The following PAK3 variants were observed in gnomAD, a reference collection of about 807,000 sequenced individuals.
PAK3 encodes the protein serine/threonine-protein kinase PAK 3.
A neutral mutation model predicts 41.0 loss-of-function variants in PAK3; 4 were observed. That is an observed-to-expected ratio of 0.10 (90% CI 0.05 to 0.22). PAK3 has a LOEUF of 0.22. Among genes scored for constraint, PAK3 ranks in the 10% least tolerant of loss-of-function variants. PAK3 has a pLI of 1.00. For missense variants in PAK3, 205 were observed against 409.9 expected (o/e 0.50, Z 4.32); for synonymous variants, 146 against 139.6 (o/e 1.05, Z -0.32).
At chrX:111,183,322 G>C (rs2094478107) in intron 11 of PAK3, among the ~76,000 whole-genome samples, 1 of 111,430 alleles carries the variant, frequency 9.0e-6, no homozygotes, top group African/African-American at 3.3e-5. Context: ...CCTTTTTATA[G>C]CAGCAGCAGC....
chrX:111,081,666 C>G (rs1285137560), intron 1 of PAK3, among the ~76,000 whole-genome samples: 1 of 111,697 alleles, frequency 9.0e-6, no homozygotes, highest in African/African-American at 3.3e-5. Flanking sequence ...AGTTTAGCCA[C>G]TCTACAATGT....
intron 1 of PAK3, among the ~76,000 whole-genome samples, chrX:111,087,874 C>A (rs917829514): frequency 1.2e-4 from 13 of 109,321 alleles, no homozygotes; most frequent in Non-Finnish European, 2.1e-4. Context: ...CCCCCCACCC[C>A]ACCCCATTCC....
At position 111,152,629 on chromosome X, in the gene PAK3, T is replaced by G. The variant is rs1603306550; in HGVS notation, c.468+182T>G. On this transcript the variant is annotated intron_variant, in intron 8 of 17. Coordinates refer to ENST00000372007, the MANE Select transcript of PAK3 (RefSeq NM_002578.5). ...AGTTCAATGAGTTTTGGTAAATGTA[T>G]ATACCTATGCTACCATCACCACAAT... The G allele has an allele frequency of 1.3e-5, 5 of 383,715 alleles. No homozygotes were observed. In the East Asian group the frequency reaches 2.3e-4, roughly 18 times the overall value. 31.6% of individuals were successfully genotyped at this position (383,715 alleles called of 1,213,427 possible). A position where few individuals can be genotyped will look rare whatever the true frequency, so the allele number is the denominator to read the frequency against.
intron 1 of PAK3, among the ~76,000 whole-genome samples, chrX:110,974,895 C>T (rs1447526558): frequency 9.9e-5 from 11 of 111,353 alleles, no homozygotes; most frequent in Admixed American, 2.9e-4. Context: ...AAAAGGCCTT[C>T]GACAGAATTC....
intron 1 of PAK3, among the ~76,000 whole-genome samples, chrX:111,053,550 C>T (rs761287523): frequency 3.6e-5 from 4 of 111,383 alleles, no homozygotes; most frequent in Non-Finnish European, 5.7e-5. Context: ...TCATTCTAGG[C>T]GCAGGCACTT....
At chrX:110,972,428 A>G (rs1259649997) in intron 1 of PAK3, among the ~76,000 whole-genome samples, 1 of 111,924 alleles carries the variant, frequency 8.9e-6, no homozygotes, top group East Asian at 2.8e-4. Flanking sequence ...GAGGGTCCGG[A>G]GTGGATCTTC....
chrX:111,037,660 G>A (rs993337498), intron 1 of PAK3, among the ~76,000 whole-genome samples: 3 of 111,567 alleles, frequency 2.7e-5, no homozygotes, highest in Non-Finnish European at 3.8e-5. Flanking sequence ...CTGATGAAAA[G>A]TTTGTTGTAA....
Position 111,123,648 on chromosome X carries a change from G to A in PAK3, c.175+370G>A, listed in dbSNP as rs2093610314. 2.7e-5 allele frequency among the ~76,000 whole-genome samples: 3 copies of A among 111,944 alleles called. No homozygotes were observed. In the South Asian group the frequency reaches 1.1e-3, roughly 42 times the overall value. Reference sequence around the variant, plus strand: ...GTTCTTTTTGGAAATTTGGGTATAGGTAGGTTTACTTCTGTATACCTTTTT... The same window carrying A: ...GTTCTTTTTGGAAATTTGGGTATAGATAGGTTTACTTCTGTATACCTTTTT... On this transcript the variant is annotated intron_variant, in intron 5 of 17. Coordinates refer to ENST00000372007, the MANE Select transcript of PAK3 (RefSeq NM_002578.5).
At chrX:111,176,899 A>G (rs1360383327) in intron 11 of PAK3, among the ~76,000 whole-genome samples, 4 of 108,751 alleles carry the variant, frequency 3.7e-5, no homozygotes, top group Non-Finnish European at 5.7e-5. Context: ...TGATCTTAGT[A>G]GATTGTTTTT....
rs60537532 is a variant in PAK3, at chrX:111,183,836, G to A, written c.831-8291G>A. Reference sequence around the variant, plus strand: ...GTAGTAAGCGCTTGGCCATGTCAGGGAGAGACTGTTGACAAAGCATCTAAT... The same window carrying A: ...GTAGTAAGCGCTTGGCCATGTCAGGAAGAGACTGTTGACAAAGCATCTAAT... On this transcript the variant is annotated intron_variant, in intron 11 of 17. Coordinates refer to ENST00000372007, the MANE Select transcript of PAK3 (RefSeq NM_002578.5). Among the ~76,000 whole-genome samples the A allele has an allele frequency of 6.1e-3, 682 of 111,723 alleles. 9 individuals are homozygous for A. The highest frequency in any genetic ancestry group is 0.021 in the African/African-American group (634 of 30,841).
chrX:111,015,167 C>T (rs1260098274), intron 1 of PAK3, among the ~76,000 whole-genome samples: 3 of 110,183 alleles, frequency 2.7e-5, no homozygotes, highest in Non-Finnish European at 5.7e-5. Context: ...TAGTATAACT[C>T]GCGAGTTATA....
At chrX:111,206,843 A>G (rs1246347797) in intron 16 of PAK3, among the ~76,000 whole-genome samples, 1 of 111,554 alleles carries the variant, frequency 9.0e-6, no homozygotes, top group Non-Finnish European at 1.9e-5. Context: ...AGACACTTTC[A>G]TGATATCCAT....
intron 16 of PAK3, 124 bp downstream of exon 16, chrX:111,196,764 C>G (rs1449935413): frequency 2.2e-6 from 1 of 451,885 alleles, no homozygotes; most frequent in Non-Finnish European, 3.8e-6. Context: ...ATAGAAGCAC[C>G]AAGTTATAAT....
At chrX:111,162,424 C>T (rs765546209) in intron 8 of PAK3, among the ~76,000 whole-genome samples, 57 of 111,135 alleles carry the variant, frequency 5.1e-4, no homozygotes, top group Non-Finnish European at 9.6e-4. Flanking sequence ...CATTTATTGG[C>T]TTGTTTGTTC....
chrX:110,994,271 C>T (rs901783440), intron 1 of PAK3, among the ~76,000 whole-genome samples: 6 of 111,906 alleles, frequency 5.4e-5, no homozygotes, highest in African/African-American at 1.6e-4. Flanking sequence ...GGGCTGCTTC[C>T]GCCTAAGAAC....
At chrX:111,016,432 C>A (rs1403648732) in intron 1 of PAK3, among the ~76,000 whole-genome samples, 1 of 111,372 alleles carries the variant, frequency 9.0e-6, no homozygotes, top group Admixed American at 9.6e-5. Flanking sequence ...GCTGGGATAA[C>A]TGAATGGAAA....
At chrX:110,952,334 G>C (rs868069747) in intron 1 of PAK3, among the ~76,000 whole-genome samples, 2 of 111,449 alleles carry the variant, frequency 1.8e-5, no homozygotes, top group Middle Eastern at 9.3e-3. Flanking sequence ...GAGGTGGCAG[G>C]GCAATGGGGA....
rs941941215 is a variant in PAK3 at position 111,220,779 on chromosome X, A to T, written c.*332A>T. On this transcript the variant is annotated 3_prime_UTR_variant, in exon 18 of 18. Transcript: ENST00000372007. ...TCAAAGATGCACACTCCCTCTTCAT[A>T]GTGTTGTGTTTGTTTTTAAGTTAGA... 2.2e-5 allele frequency: 5 copies of T among 224,415 alleles called. No individual in the cohort carries two copies. Among genetic ancestry groups the T allele is most frequent in the African/African-American group, 1.4e-4 (5 of 34,643 alleles). The allele number at this position is 224,415 out of a possible 1,213,427, so 18.5% of individuals were successfully genotyped here.
intron 11 of PAK3, among the ~76,000 whole-genome samples, chrX:111,184,762 G>A (rs1369195720): frequency 1.8e-5 from 2 of 111,551 alleles, no homozygotes; most frequent in African/African-American, 6.5e-5. Context: ...GTACTCCATG[G>A]TATATATGTG....
Sources: gnomAD v4.1 joint callset for allele counts (sites outside exome capture counted in the v4.1 genomes callset) on GRCh38, gnomAD v4.1.1 for gene constraint, MANE v1.5 for transcripts, NCBI Gene and HGNC (gene_info 2026-07-23, HGNC 2026-07-21) for gene names.